ATP9A: variants seen among roughly 807,000 people sequenced by gnomAD.
ATP9A encodes probable phospholipid-transporting ATPase IIA.
In ATP9A, 52 loss-of-function variants were observed where a neutral mutation model predicts 144.1. That is an observed-to-expected ratio of 0.36 (90% CI 0.29 to 0.45). The LOEUF (loss-of-function observed/expected upper bound fraction) is 0.45, where lower values mean the gene tolerates loss of function less well. Ranked by LOEUF, ATP9A falls within the 20% of genes least tolerant of loss-of-function variation. The pLI is 1.00. For missense variants in ATP9A, 947 were observed against 1,392.7 expected, an observed-to-expected ratio of 0.68 and a Z score of 5.09; for synonymous variants, 582 against 557.4, an observed-to-expected ratio of 1.04 and a Z score of -0.62.
At chr20:51,674,517 T>C (rs779919525) in intron 10 of ATP9A, among the ~76,000 whole-genome samples, 3 of 152,160 alleles carry the variant, frequency 2.0e-5, no homozygotes, top group Non-Finnish European at 4.4e-5. Context: ...CTAAGAACAC[T>C]GCTTCCATGG....
chr20:51,695,635 T>C (rs577913540), intron 6 of ATP9A, among the ~76,000 whole-genome samples: 1 of 152,254 alleles, frequency 6.6e-6, no homozygotes, highest in Admixed American at 6.5e-5. Context: ...ATAGGTGCTA[T>C]AGGCAAGGTC....
At chr20:51,723,376 C>T (rs2077697745) in intron 3 of ATP9A, among the ~76,000 whole-genome samples, 1 of 151,816 alleles carries the variant, frequency 6.6e-6, no homozygotes. Context: ...AACAACATAC[C>T]ACCTGTACCC....
At chr20:51,701,207 T>C (rs1174961077) in intron 4 of ATP9A, among the ~76,000 whole-genome samples, 1 of 152,204 alleles carries the variant, frequency 6.6e-6, no homozygotes, top group African/African-American at 2.4e-5. Context: ...ATCTAACTCA[T>C]AGAAGAGCAT....
chr20:51,692,856 G>A (rs574536751), intron 7 of ATP9A, among the ~76,000 whole-genome samples: 1 of 152,212 alleles, frequency 6.6e-6, no homozygotes, highest in South Asian at 2.1e-4. Context: ...CAGTAATAAT[G>A]GTGTTATTTC....
At chr20:51,744,007 A>C (rs1010728559) in intron 1 of ATP9A, among the ~76,000 whole-genome samples, 2 of 144,380 alleles carry the variant, frequency 1.4e-5, no homozygotes, top group Non-Finnish European at 3.0e-5. Context: ...ACTCCATCTC[A>C]AAAAAAAAAA....
intron 7 of ATP9A, among the ~76,000 whole-genome samples, chr20:51,693,366 C>T (rs183290029): frequency 6.6e-6 from 1 of 152,320 alleles, no homozygotes; most frequent in Non-Finnish European, 1.5e-5. Context: ...GACAGAATGA[C>T]AGACCCGACA....
At chr20:51,747,314 G>GC (rs1365887160) in intron 1 of ATP9A, among the ~76,000 whole-genome samples, 3 of 152,122 alleles carry the variant, frequency 2.0e-5, no homozygotes, top group Non-Finnish European at 4.4e-5. Context: ...CTCTGACCCA[G>GC]CAAGTCCTGC....
At chr20:51,718,835 A>AAAAAAAAAC (rs2077675129) in intron 3 of ATP9A, among the ~76,000 whole-genome samples, 1 of 103,502 alleles carries the variant, frequency 9.7e-6, no homozygotes, top group Non-Finnish European at 2.1e-5. Flanking sequence ...AAAAAAAAAA[A>AAAAAAAAAC]AAAAAAAAAA....
At chr20:51,682,823 C>T (rs111750761) in intron 9 of ATP9A, among the ~76,000 whole-genome samples, 38,696 of 144,216 alleles carry the variant, frequency 0.27, 5,375 homozygotes, top group East Asian at 0.49. Context: ...AAACTCCTGA[C>T]CTCAGGTGAT....
chr20:51,721,618 G>A (rs915700638), intron 3 of ATP9A, among the ~76,000 whole-genome samples: 2 of 151,884 alleles, frequency 1.3e-5, no homozygotes, highest in Non-Finnish European at 2.9e-5. Flanking sequence ...GCTAACACAG[G>A]TGAAACCCCC....
chr20:51,690,138 A>AAT (rs2077541038), intron 8 of ATP9A, among the ~76,000 whole-genome samples: 1 of 143,590 alleles, frequency 7.0e-6, no homozygotes, highest in Non-Finnish European at 1.5e-5. Flanking sequence ...AAAAAAAAAA[A>AAT]GGCCAGGCTC....
At chr20:51,618,219 A>T (rs557897882) in intron 21 of ATP9A, among the ~76,000 whole-genome samples, 101 of 115,434 alleles carry the variant, frequency 8.7e-4, no homozygotes, top group African/African-American at 3.7e-3. Context: ...ACTCCGTCTT[A>T]AAAAAAAAAA....
chr20:51,744,752 A>T (rs944137034), intron 1 of ATP9A, among the ~76,000 whole-genome samples: 5 of 152,254 alleles, frequency 3.3e-5, no homozygotes, highest in African/African-American at 1.2e-4. Context: ...TCTGCATGAC[A>T]CACCAACCTT....
chr20:51,767,101 A>C (rs2077907838), intron 1 of ATP9A, among the ~76,000 whole-genome samples: 1 of 138,640 alleles, frequency 7.2e-6, no homozygotes, highest in Non-Finnish European at 1.5e-5. Context: ...AATTCCACTG[A>C]CACCTGGTGA....
intron 14 of ATP9A, among the ~76,000 whole-genome samples, chr20:51,645,958 A>C (rs1390231296): frequency 2.0e-5 from 3 of 152,252 alleles, no homozygotes; most frequent in Non-Finnish European, 4.4e-5. Context: ...ACTGCAGGTC[A>C]GGCCAGCAGC....
intron 1 of ATP9A, among the ~76,000 whole-genome samples, chr20:51,749,152 G>C (rs2077821027): frequency 6.6e-6 from 1 of 152,102 alleles, no homozygotes; most frequent in Non-Finnish European, 1.5e-5. Context: ...CTTGAACCCA[G>C]GAGTTTGAGA....
At position 51,601,233 on chromosome 20, in the gene ATP9A, C is replaced by G. The variant is rs1275897657; in HGVS notation, c.3122G>C (p.Ser1041Thr). ...KYLRRRFSPPSYSKLTS is the reference protein window; with the variant it reads ...KYLRRRFSPPTYSKLTS ...GGCCTATGATGTGAGCTTTGAGTAG[C>G]TGGGGGGAGAGAACCGTCTTCGCAG... Residue 1041 changes from serine (S) to threonine (T), a missense_variant, in exon 28 of 28, where the codon AGC (serine) becomes ACC (threonine). Physicochemically the swap from Ser to Thr is moderately conservative, Grantham distance 58. This residue lies in a region of ATP9A where 177 missense variants were observed against 344.9 expected (regional missense o/e 0.51). Transcript: ENST00000338821. 2 of 1,613,232 alleles carry G rather than the reference C, an allele frequency of 1.2e-6. No homozygotes were observed. Among genetic ancestry groups the G allele is most frequent in the African/African-American group, 2.7e-5 (2 of 75,018 alleles).
At position 51,738,429 on chromosome 20, in the gene ATP9A, C is replaced by T. The variant is rs533815143; in HGVS notation, c.69-8451G>A. 3.0e-3 allele frequency among the ~76,000 whole-genome samples: 455 copies of T among 152,250 alleles called. 9 individuals carry two copies. The highest frequency in any genetic ancestry group is 0.02 in the Middle Eastern group (6 of 294). On this transcript the variant is annotated intron_variant, in intron 1 of 27. Transcript: ENST00000338821. The stretch of plus-strand genomic sequence containing the variant: ...CGAAAGTGTATGCCTCTCGGCCAGG[C>T]GCAGTGACTCACGCCTGTAATCCCA...
chr20:51,668,770 T>C (rs570569242), intron 13 of ATP9A, among the ~76,000 whole-genome samples: 2 of 152,296 alleles, frequency 1.3e-5, no homozygotes, highest in South Asian at 4.1e-4. Context: ...TGGTTGTAGA[T>C]GATGACAAGA....
Sources: allele counts gnomAD v4.1 joint callset (sites outside exome capture counted in the v4.1 genomes callset), GRCh38; gene constraint gnomAD v4.1.1; regional missense constraint gnomAD v4.1.1; transcripts MANE v1.5; gene names NCBI Gene and HGNC (gene_info 2026-07-23, HGNC 2026-07-21).